Variants in PI4KA observed in about 807,000 individuals in gnomAD.
PI4KA encodes PI4-kinase alpha.
PI4KA carries 122 observed loss-of-function variants against 271.4 expected under a neutral mutation model. That is an observed-to-expected ratio of 0.45 (90% CI 0.39 to 0.52). PI4KA has a LOEUF of 0.52. PI4KA is among the 20% of genes least tolerant of loss of function. The pLI is 0.00. For missense variants in PI4KA, 1,969 were observed against 2,769.1 expected (o/e 0.71, Z 6.48); for synonymous variants, 1,041 against 1,078.8 (o/e 0.96, Z 0.69).
intron 43 of PI4KA, 125 bp from the exon 44 acceptor site, chr22:20,718,947 C>T (rs774129418): frequency 5.2e-5 from 51 of 974,470 alleles, no homozygotes; most frequent in Middle Eastern, 6.4e-4. Context: ...CTTGGTGAGA[C>T]CATAACAGCT....
chr22:20,783,218 C>CG (rs1295805675), intron 19 of PI4KA, among the ~76,000 whole-genome samples: 1 of 152,172 alleles, frequency 6.6e-6, no homozygotes, highest in African/African-American at 2.4e-5. Flanking sequence ...CCCATATCTA[C>CG]AGTGGTGATC....
intron 7 of PI4KA, among the ~76,000 whole-genome samples, chr22:20,816,416 A>C (rs1386018349): frequency 1.3e-5 from 2 of 152,198 alleles, no homozygotes; most frequent in Admixed American, 1.3e-4. Context: ...GGCGTGAGCC[A>C]CATCTCCTGG....
At chr22:20,778,541 C>T (rs1461068024) in intron 19 of PI4KA, among the ~76,000 whole-genome samples, 2 of 151,980 alleles carry the variant, frequency 1.3e-5, no homozygotes, top group African/African-American at 4.8e-5. Flanking sequence ...ACAACAACAA[C>T]AACAAAAAAA....
chr22:20,742,939 C>CTTT (rs199920036), intron 30 of PI4KA, 175 bp from the exon 31 acceptor site: 2 of 498,866 alleles, frequency 4.0e-6, no homozygotes, highest in South Asian at 2.5e-5. Context: ...CTGATCACAG[C>CTTT]TTTTTTTTTT....
intron 3 of PI4KA, among the ~76,000 whole-genome samples, chr22:20,824,732 T>TCACACACACACA (rs361914): frequency 1.7e-4 from 23 of 136,296 alleles, no homozygotes; most frequent in African/African-American, 4.4e-4. Flanking sequence ...ATGTGATAAA[T>TCACACACACACA]CACACACACA....
At chr22:20,846,648 G>A (rs946300339) in intron 1 of PI4KA, among the ~76,000 whole-genome samples, 29 of 151,490 alleles carry the variant, frequency 1.9e-4, no homozygotes, top group African/African-American at 7.0e-4. Context: ...TTCAAGATCA[G>A]CCTGGTCAAT....
At chr22:20,721,756 A>T (rs1296184819) in intron 42 of PI4KA, 1 of 250,090 alleles carries the variant, frequency 4.0e-6, no homozygotes, top group Non-Finnish European at 8.0e-6. Flanking sequence ...GGTACTAAAA[A>T]CTCACTTGTG....
chr22:20,779,868 T>G, intron 19 of PI4KA: 1 of 1,614,248 alleles, frequency 6.2e-7, no homozygotes, highest in Non-Finnish European at 8.5e-7. Context: ...TTTTAAAGAC[T>G]TTGTTAATGC....
chr22:20,784,283 G>A, intron 19 of PI4KA: 1 of 1,613,756 alleles, frequency 6.2e-7, no homozygotes, highest in Non-Finnish European at 8.5e-7. Context: ...TGAGCTCCCA[G>A]ATGCTGGGGG....
In PI4KA at chr22:20,742,939, C is replaced by CT. The variant is rs199920036; in HGVS notation, c.3457-176dup. ...TCAATGATGCTACCACTGATCACAG[C>CT]TTTTTTTTTTTTTAAAGAACAGCTC... On this transcript the variant is annotated intron_variant, in intron 30 of 54. Coordinates refer to ENST00000255882, the MANE Select transcript of PI4KA (RefSeq NM_058004.4). The CT allele has an allele frequency of 0.052, 25,326 of 485,110 alleles. 68 individuals carry two copies. Among genetic ancestry groups the CT allele is most frequent in the African/African-American group, 0.062 (3,060 of 49,094 alleles). 30.1% of individuals were successfully genotyped at this position (485,110 alleles called of 1,614,324 possible).
At position 20,721,627 on chromosome 22, in the gene PI4KA, G is replaced by T. The variant is rs1926751065; in HGVS notation, c.4996-209C>A. 2.2e-5 allele frequency: 12 copies of T among 557,244 alleles called. No homozygotes were observed. The South Asian group carries it at 2.7e-4, about 13-fold the overall frequency. The allele number at this position is 557,244 out of a possible 1,614,324, so 34.5% of individuals were successfully genotyped here. On this transcript the variant is annotated intron_variant, in intron 42 of 54. Coordinates refer to ENST00000255882, the MANE Select transcript of PI4KA (RefSeq NM_058004.4). Reference sequence around the variant, plus strand: ...CTGGCTGGGGGCTGGGACCTGGGGGGCAGGGTTGCAAAGCGGGCGACAGTC... The same window carrying T: ...CTGGCTGGGGGCTGGGACCTGGGGGTCAGGGTTGCAAAGCGGGCGACAGTC...
intron 48 of PI4KA, 38 bp from the exon 49 acceptor site, chr22:20,712,835 G>C (rs919822527): frequency 6.4e-7 from 1 of 1,550,664 alleles, no homozygotes; most frequent in South Asian, 1.2e-5. Context: ...GTCAGTTGGC[G>C]TCCTTGCACC....
intron 23 of PI4KA, among the ~76,000 whole-genome samples, chr22:20,753,727 C>A (rs1050927856): frequency 6.6e-6 from 1 of 152,158 alleles, no homozygotes; most frequent in African/African-American, 2.4e-5. Flanking sequence ...CGTTCTGTTG[C>A]CCAGGCTGGA....
chr22:20,851,769 G>C (rs1179630051), intron 1 of PI4KA, among the ~76,000 whole-genome samples: 1 of 152,186 alleles, frequency 6.6e-6, no homozygotes, highest in Non-Finnish European at 1.5e-5. Flanking sequence ...TGAGACCTGA[G>C]GATTTCTGCC....
chr22:20,754,839 T>C (rs2147344529), intron 23 of PI4KA, among the ~76,000 whole-genome samples: 1 of 152,290 alleles, frequency 6.6e-6, no homozygotes, highest in African/African-American at 2.4e-5. Flanking sequence ...TCCCAGCTAC[T>C]TGGGAGGCTG....
At chr22:20,838,853 G>A in intron 1 of PI4KA, 122 bp from the exon 2 acceptor site, 3 of 616,294 alleles carry the variant, frequency 4.9e-6, no homozygotes, top group East Asian at 2.8e-5. Context: ...TGAGGTGGGA[G>A]GATAACTTGA....
intron 19 of PI4KA, among the ~76,000 whole-genome samples, chr22:20,784,614 C>G (rs1265611545): frequency 6.6e-6 from 1 of 152,142 alleles, no homozygotes. Context: ...GCTGAGCGCC[C>G]CTCCCAGTAC....
chr22:20,715,102 A>C (rs1025803972), intron 45 of PI4KA, among the ~76,000 whole-genome samples: 1 of 145,780 alleles, frequency 6.9e-6, no homozygotes. Context: ...ATAGAGTCTC[A>C]CTCTGTCACC....
intron 19 of PI4KA, among the ~76,000 whole-genome samples, chr22:20,776,569 G>A (rs1022704423): frequency 1.3e-5 from 2 of 152,264 alleles, no homozygotes; most frequent in South Asian, 4.1e-4. Flanking sequence ...CAAGGAATGG[G>A]ACTGGCACTG....
Sources: gnomAD v4.1 joint callset for allele counts (sites outside exome capture counted in the v4.1 genomes callset) on GRCh38, gnomAD v4.1.1 for gene constraint, MANE v1.5 for transcripts, NCBI Gene and HGNC (gene_info 2026-07-23, HGNC 2026-07-21) for gene names.